The following LAMA2 variants were observed in gnomAD, a reference collection of about 807,000 sequenced individuals.
The protein encoded by LAMA2 is laminin subunit alpha 2.
In LAMA2, 269 loss-of-function variants were observed where a neutral mutation model predicts 364.8. The observed-to-expected ratio is 0.74, with a 90% confidence interval of 0.67 to 0.82. The LOEUF (loss-of-function observed/expected upper bound fraction) is 0.82. Among genes scored for constraint, LAMA2 ranks in the 40% least tolerant of loss-of-function variants. LAMA2 has a pLI of 0.00. For missense variants in LAMA2, 3,807 were observed against 3,873.2 expected (o/e 0.98, Z 0.45); for synonymous variants, 1,379 against 1,370.6 (o/e 1.01, Z -0.14).
At chr6:129,374,624 C>T (rs1053346174) in intron 34 of LAMA2, among the ~76,000 whole-genome samples, 1 of 151,076 alleles carries the variant, frequency 6.6e-6, no homozygotes, top group Non-Finnish European at 1.5e-5. Flanking sequence ...GTTGTCCAGG[C>T]TGGAGTACAA....
At chr6:129,218,894 A>G (rs2115090249) in intron 12 of LAMA2, among the ~76,000 whole-genome samples, 1 of 152,304 alleles carries the variant, frequency 6.6e-6, no homozygotes, top group Non-Finnish European at 1.5e-5. Flanking sequence ...ATTATTCAAT[A>G]TTTATATGTA....
chr6:129,319,656 A>G (rs968778285), intron 27 of LAMA2, among the ~76,000 whole-genome samples: 1 of 152,206 alleles, frequency 6.6e-6, no homozygotes, highest in Non-Finnish European at 1.5e-5. Context: ...TAGGAGCATC[A>G]ACCCCACCTC....
intron 37 of LAMA2, among the ~76,000 whole-genome samples, chr6:129,400,127 C>T (rs959070190): frequency 5.1e-4 from 77 of 152,178 alleles, no homozygotes; most frequent in Admixed American, 4.5e-3. Context: ...TTCATAGACA[C>T]CGTTTTCACT....
At position 129,227,440 on chromosome 6, in the gene LAMA2, T is replaced by C. The variant is rs1784375862; in HGVS notation, c.1783-22672T>C. 2.0e-5 allele frequency among the ~76,000 whole-genome samples: 3 copies of C among 152,146 alleles called. No individual in the cohort carries two copies. In the South Asian group the frequency reaches 6.2e-4, roughly 32 times the overall value. On this transcript the variant is annotated intron_variant, in intron 12 of 64. Coordinates refer to ENST00000421865, the MANE Select transcript of LAMA2 (RefSeq NM_000426.4). The stretch of plus-strand genomic sequence containing the variant: ...TAGAGTTTTCAGCTTCTCTGCTCTG[T>C]TTTTTCCCCATCTTTGTGGTTTTAT...
intron 55 of LAMA2, among the ~76,000 whole-genome samples, 171 bp downstream of exon 55, chr6:129,481,610 C>T (rs1466782629): frequency 6.6e-6 from 1 of 152,148 alleles, no homozygotes; most frequent in African/African-American, 2.4e-5. Flanking sequence ...CATCATCTCC[C>T]CAGGACAATT....
At position 129,516,341 on chromosome 6, in the gene LAMA2, C is replaced by T; in HGVS notation, c.9363C>T (p.Ala3121=). The T allele has an allele frequency of 6.2e-7, 1 of 1,613,866 alleles. No homozygotes were observed. ...LRGVQPVSCP[A]N is the part of the protein sequence containing the mutation. Reference sequence around the variant, plus strand: ...GCGTTCAACCTGTATCATGCCCAGCCAACTAATAAAAATAAGTGTAACCCC... The same window carrying T: ...GCGTTCAACCTGTATCATGCCCAGCTAACTAATAAAAATAAGTGTAACCCC... The change falls in exon 65 of 65, where the codon GCC becomes GCT. Residue 3121 remains alanine, a synonymous_variant. Transcript: ENST00000421865.
chr6:129,158,869 G>T (rs903288921), intron 8 of LAMA2: 5 of 1,613,336 alleles, frequency 3.1e-6, no homozygotes, highest in Non-Finnish European at 2.5e-6. Context: ...CTTCTATGAT[G>T]GCAAAGCAAC....
intron 34 of LAMA2, among the ~76,000 whole-genome samples, chr6:129,374,736 C>A (rs981427937): frequency 1.4e-5 from 2 of 147,788 alleles, no homozygotes; most frequent in African/African-American, 4.9e-5. Flanking sequence ...TGCTACCATG[C>A]CCAGCTAATT....
intron 3 of LAMA2, among the ~76,000 whole-genome samples, chr6:129,067,204 G>C (rs1244563722): frequency 6.6e-6 from 1 of 152,116 alleles, no homozygotes; most frequent in Non-Finnish European, 1.5e-5. Flanking sequence ...ACACAGAAGA[G>C]ATTATAATAT....
intron 1 of LAMA2, among the ~76,000 whole-genome samples, chr6:128,888,307 T>C (rs949233544): frequency 6.6e-6 from 1 of 152,142 alleles, no homozygotes; most frequent in Non-Finnish European, 1.5e-5. Context: ...TGGAATGTGG[T>C]AAATGAATGA....
chr6:129,235,983 C>T (rs1274483112), intron 12 of LAMA2, among the ~76,000 whole-genome samples: 1 of 152,104 alleles, frequency 6.6e-6, no homozygotes, highest in African/African-American at 2.4e-5. Flanking sequence ...AGTAAGTTCT[C>T]ATGTTAGAAA....
chr6:128,911,548 A>G (rs1239071175), intron 1 of LAMA2, among the ~76,000 whole-genome samples: 1 of 152,072 alleles, frequency 6.6e-6, no homozygotes, highest in Non-Finnish European at 1.5e-5. Context: ...GGCATTCCTT[A>G]GTGAGATGAA....
chr6:129,184,255 C>T (rs56038001), intron 10 of LAMA2, among the ~76,000 whole-genome samples: 10,474 of 151,884 alleles, frequency 0.069, 686 homozygotes, highest in African/African-American at 0.17. Context: ...GATTCCTGGG[C>T]ATTTTTACAA....
At chr6:128,891,331 T>C (rs566117415) in intron 1 of LAMA2, among the ~76,000 whole-genome samples, 1 of 152,230 alleles carries the variant, frequency 6.6e-6, no homozygotes, top group East Asian at 1.9e-4. Context: ...GGTCCTATTC[T>C]ATAGAAGAAA....
At chr6:129,267,287 C>A in intron 16 of LAMA2, 68 bp downstream of exon 16, 1 of 1,037,934 alleles carries the variant, frequency 9.6e-7, no homozygotes, top group Non-Finnish European at 1.5e-6. Context: ...TGCTACAATT[C>A]AGCTACTACC....
In LAMA2 at chr6:129,319,861, AG is replaced by A. The variant is rs554712575; in HGVS notation, c.4059-676del. Among the ~76,000 whole-genome samples, 694 of 152,302 alleles carry A rather than the reference AG, an allele frequency of 4.6e-3. 12 individuals carry two copies. The highest frequency in any genetic ancestry group is 1.5e-3 in the Non-Finnish European group (105 of 68,020). On this transcript the variant is annotated intron_variant, in intron 27 of 64. Transcript: ENST00000421865. Reference sequence around the variant, plus strand: ...TAAGAAAGTAATAAGGGCTGGGCTCAGTGGCTCATGCCTGTAATCCCAGCAC... The same window carrying A: ...TAAGAAAGTAATAAGGGCTGGGCTCATGGCTCATGCCTGTAATCCCAGCAC...
In LAMA2 at chr6:129,371,694, C is replaced by T. The variant is rs577452171; in HGVS notation, c.4959+1704C>T. Among the ~76,000 whole-genome samples the T allele has an allele frequency of 4.0e-5, 6 of 151,542 alleles. No homozygotes were observed. In the South Asian group the frequency reaches 1.3e-3, roughly 32 times the overall value. ...CGATCTTGGCTCACTGCAACCTCCGCCTCCCGGGTTCAAGTGATTTTCCTG... is the reference window on the plus strand; with the variant it reads ...CGATCTTGGCTCACTGCAACCTCCGTCTCCCGGGTTCAAGTGATTTTCCTG... On this transcript the variant is annotated intron_variant, in intron 34 of 64. Transcript: ENST00000421865.
rs1238780463 is a variant in LAMA2, at chr6:129,481,557, A to C, written c.7749+118A>C. 3 of 865,356 alleles carry C rather than the reference A, an allele frequency of 3.5e-6. No homozygotes were observed. In the East Asian group the frequency reaches 7.5e-5, roughly 22 times the overall value. 53.6% of individuals were successfully genotyped at this position (865,356 alleles called of 1,614,324 possible). ...TCTGCTCTCATCTTGGCTAGCAAGG[A>C]CTGAACATTCCATATTTCCATGCTG... is the stretch of plus-strand genomic sequence containing the variant. On this transcript the variant is annotated intron_variant, in intron 55 of 64. Coordinates refer to ENST00000421865, the MANE Select transcript of LAMA2 (RefSeq NM_000426.4).
At chr6:129,181,395 A>G (rs534741737) in intron 10 of LAMA2, among the ~76,000 whole-genome samples, 1 of 152,222 alleles carries the variant, frequency 6.6e-6, no homozygotes, top group East Asian at 1.9e-4. Context: ...AAATCATAAA[A>G]ATATGTTTAA....
Sources: gnomAD v4.1 joint callset for allele counts (sites outside exome capture counted in the v4.1 genomes callset) on GRCh38, gnomAD v4.1.1 for gene constraint, MANE v1.5 for transcripts, NCBI Gene and HGNC (gene_info 2026-07-23, HGNC 2026-07-21) for gene names.